The following BCL2L2 variants were observed in gnomAD, a reference collection of about 807,000 sequenced individuals.
BCL2L2 encodes the protein BCL2 like 2.
Under a neutral mutation model 14.6 loss-of-function variants are expected in BCL2L2, and 6 were observed. That is an observed-to-expected ratio of 0.41 (90% CI 0.22 to 0.81). BCL2L2 has a LOEUF of 0.81. Ranked by LOEUF, BCL2L2 falls within the 30% of genes least tolerant of loss-of-function variation. The pLI, the probability that BCL2L2 is intolerant of heterozygous loss-of-function variation, is 0.32. For synonymous variants in BCL2L2, 90 were observed against 108.5 expected, an observed-to-expected ratio of 0.83 and a Z score of 1.06; for missense variants, 191 against 260.5, an observed-to-expected ratio of 0.73 and a Z score of 1.84.
rs183322615 is a variant in BCL2L2, at chr14:23,310,240, G to A, written c.*1275G>A. On this transcript the variant is annotated 3_prime_UTR_variant, in exon 4 of 4. Coordinates refer to ENST00000250405, the MANE Select transcript of BCL2L2 (RefSeq NM_004050.5). ...TCTGAGGATGTTAACTTTGGAACTCGCAGTCCTCTAGAACAGCTTCAGATT... is the reference window on the plus strand; with the variant it reads ...TCTGAGGATGTTAACTTTGGAACTCACAGTCCTCTAGAACAGCTTCAGATT... 89 of 985,874 alleles carry A rather than the reference G, an allele frequency of 9.0e-5. 1 individual carries two copies. The East Asian group carries it at 7.5e-3, about 83-fold the overall frequency. The allele number at this position is 985,874 out of a possible 1,614,324, so 61.1% of individuals were successfully genotyped here.
Position 23,311,737 on chromosome 14 carries a change from G to A in BCL2L2, c.*2772G>A. Reference sequence around the variant, plus strand: ...TATTAAAAACAATAAATAAAGCCCAGAAGTTTAATGAGAAGGACTGAACAG... The same window carrying A: ...TATTAAAAACAATAAATAAAGCCCAAAAGTTTAATGAGAAGGACTGAACAG... On this transcript the variant is annotated 3_prime_UTR_variant, in exon 4 of 4. Transcript: ENST00000250405. 1.0e-6 allele frequency: 1 copy of A among 972,734 alleles called. No individual in the cohort carries two copies. Among genetic ancestry groups the A allele is most frequent in the Non-Finnish European group, 1.2e-6 (1 of 818,410 alleles). The allele number at this position is 972,734 out of a possible 1,614,324, so 60.3% of individuals were successfully genotyped here. A position where few individuals can be genotyped will look rare whatever the true frequency, so the allele number is the denominator to read the frequency against.
In BCL2L2 at chr14:23,309,002, G is replaced by T. The variant is rs1887438010; in HGVS notation, c.*37G>T. On this transcript the variant is annotated 3_prime_UTR_variant, in exon 4 of 4. Coordinates refer to ENST00000250405, the MANE Select transcript of BCL2L2 (RefSeq NM_004050.5). The stretch of plus-strand genomic sequence containing the variant: ...CAGGTGGGGCTAGGTGTGGCTGGGG[G>T]CCAGGAGAGCAGGAACAGAACAGAG... 1 of 1,319,900 alleles carries T rather than the reference G, an allele frequency of 7.6e-7. No homozygotes were observed. Among genetic ancestry groups the T allele is most frequent in the Non-Finnish European group, 9.7e-7 (1 of 1,026,016 alleles). 81.8% of individuals were successfully genotyped at this position (1,319,900 alleles called of 1,614,324 possible). A position where few individuals can be genotyped will look rare whatever the true frequency, so the allele number is the denominator to read the frequency against.
chr14:23,310,520 G>C lies in BCL2L2; in HGVS notation c.*1555G>C. On this transcript the variant is annotated 3_prime_UTR_variant, in exon 4 of 4. Coordinates refer to ENST00000250405, the MANE Select transcript of BCL2L2 (RefSeq NM_004050.5). ...GCTCGCCAGAACGTGGGACCAAATTGGCCTCAGGTGTTGAGTCCAGACTTC... is the reference window on the plus strand; with the variant it reads ...GCTCGCCAGAACGTGGGACCAAATTCGCCTCAGGTGTTGAGTCCAGACTTC... The C allele has an allele frequency of 1.9e-6, 2 of 1,039,842 alleles. No individual in the cohort carries two copies. Among genetic ancestry groups the C allele is most frequent in the Non-Finnish European group, 2.3e-6 (2 of 863,270 alleles). 64.4% of individuals were successfully genotyped at this position (1,039,842 alleles called of 1,614,324 possible).
At position 23,310,709 on chromosome 14, in the gene BCL2L2, G is replaced by A. The variant is rs542856490; in HGVS notation, c.*1744G>A. The A allele has an allele frequency of 6.7e-5, 79 of 1,183,212 alleles. No homozygotes were observed. The highest frequency in any genetic ancestry group is 6.1e-5 in the Non-Finnish European group (57 of 940,674). 73.3% of individuals were successfully genotyped at this position (1,183,212 alleles called of 1,614,324 possible). On this transcript the variant is annotated 3_prime_UTR_variant, in exon 4 of 4. Coordinates refer to ENST00000250405, the MANE Select transcript of BCL2L2 (RefSeq NM_004050.5). Reference sequence around the variant, plus strand: ...TCTCTGACTTGCTCAGGACAAACTAGGCCAGTGGTTTTCAAACTGCTTGGC... The same window carrying A: ...TCTCTGACTTGCTCAGGACAAACTAAGCCAGTGGTTTTCAAACTGCTTGGC...
chr14:23,307,733 C>T, intron 2 of BCL2L2, 27 bp from the exon 3 acceptor site: 1 of 1,516,432 alleles, frequency 6.6e-7, no homozygotes. Context: ...TATATTCATG[C>T]CAGTCTTTCA....
At position 23,307,784 on chromosome 14, in the gene BCL2L2, C is replaced by T. The variant is rs1414276111; in HGVS notation, c.17C>T (p.Ser6Leu). Residue 6 changes from serine (S) to leucine (L), a missense_variant, in exon 3 of 4, where the codon TCG becomes TTG. By Grantham distance (145) the Ser-to-Leu change is moderately radical. Coordinates refer to ENST00000250405, the MANE Select transcript of BCL2L2 (RefSeq NM_004050.5). MATPA[S>L]APDTRALVAD... Reference sequence around the variant, plus strand: ...GCCGCCCGGATGGCGACCCCAGCCTCGGCCCCAGACACACGGGCTCTGGTG... The same window carrying T: ...GCCGCCCGGATGGCGACCCCAGCCTTGGCCCCAGACACACGGGCTCTGGTG... The T allele has an allele frequency of 9.2e-6, 14 of 1,526,236 alleles. No individual in the cohort carries two copies. The highest frequency in any genetic ancestry group is 6.8e-5 in the East Asian group (3 of 44,092). 94.5% of individuals were successfully genotyped at this position (1,526,236 alleles called of 1,614,324 possible). A position where few individuals can be genotyped will look rare whatever the true frequency, so the allele number is the denominator to read the frequency against.
rs368889929 is a variant in BCL2L2 at position 23,308,836 on chromosome 14, C to T, written c.453C>T (p.Tyr151=). The change falls in exon 4 of 4, where the codon TAC becomes TAT. Residue 151 remains tyrosine (Y), a synonymous_variant. Transcript: ENST00000250405. This position sits in a 1 kb window ranked among gnomAD's most constrained non-coding sequence, Gnocchi z 5.4. ...SGGWAEFTAL[Y]GDGALEEARR... is the part of the protein sequence containing the mutation. ...CACAGGCGGAGTTCACAGCTCTATA[C>T]GGGGACGGGGCCCTGGAGGAGGCGC... 3.3e-5 allele frequency: 44 copies of T among 1,321,622 alleles called. No individual in the cohort carries two copies. The highest frequency in any genetic ancestry group is 4.5e-5 in the African/African-American group (3 of 66,422). The allele number at this position is 1,321,622 out of a possible 1,614,324, so 81.9% of individuals were successfully genotyped here. A position where few individuals can be genotyped will look rare whatever the true frequency, so the allele number is the denominator to read the frequency against.
chr14:23,308,051 G>A lies in BCL2L2; in HGVS notation c.284G>A (p.Arg95His). 6.2e-7 allele frequency: 1 copy of A among 1,614,108 alleles called. No homozygotes were observed. Among genetic ancestry groups the A allele is most frequent in the Non-Finnish European group, 8.5e-7 (1 of 1,180,036 alleles). ...TTTCAAGGGGGCCCCAACTGGGGCCGCCTTGTAGCCTTCTTTGTCTTTGGG... is the reference window on the plus strand; with the variant it reads ...TTTCAAGGGGGCCCCAACTGGGGCCACCTTGTAGCCTTCTTTGTCTTTGGG... ...ELFQGGPNWG[R>H]LVAFFVFGAA... Residue 95 changes from arginine to histidine, a missense_variant, in exon 3 of 4, where the codon CGC becomes CAC. Transcript: ENST00000250405. The surrounding 1 kb of genome is among the most constrained non-coding windows in gnomAD (Gnocchi z 5.4).
intron 2 of BCL2L2, 35 bp from the exon 3 acceptor site, chr14:23,307,725 T>G: frequency 6.6e-7 from 1 of 1,514,088 alleles, no homozygotes; most frequent in Non-Finnish European, 8.8e-7. Context: ...TCTCTTCATA[T>G]ATTCATGCCA....
chr14:23,311,604 A>G lies in BCL2L2; in HGVS notation c.*2639A>G, dbSNP rs543801039. On this transcript the variant is annotated 3_prime_UTR_variant, in exon 4 of 4. Transcript: ENST00000250405. ...GCAGAACAGATTTGGTTAGTTTAGA[A>G]GAAAAGAAAGCTCTATAAATATAAA... The G allele has an allele frequency of 3.1e-6, 3 of 971,882 alleles. No individual in the cohort carries two copies. In the Admixed American group the frequency reaches 1.8e-4, roughly 60 times the overall value. The allele number at this position is 971,882 out of a possible 1,614,324, so 60.2% of individuals were successfully genotyped here. A position where few individuals can be genotyped will look rare whatever the true frequency, so the allele number is the denominator to read the frequency against.
chr14:23,308,990 G>A lies in BCL2L2; in HGVS notation c.*25G>A. The A allele has an allele frequency of 7.6e-7, 1 of 1,320,804 alleles. No homozygotes were observed. The highest frequency in any genetic ancestry group is 9.7e-7 in the Non-Finnish European group (1 of 1,026,458). 81.8% of individuals were successfully genotyped at this position (1,320,804 alleles called of 1,614,324 possible). ...AAAGTCCAGGGCCAGGTGGGGCTAGGTGTGGCTGGGGGCCAGGAGAGCAGG... is the reference window on the plus strand; with the variant it reads ...AAAGTCCAGGGCCAGGTGGGGCTAGATGTGGCTGGGGGCCAGGAGAGCAGG... On this transcript the variant is annotated 3_prime_UTR_variant, in exon 4 of 4. Coordinates refer to ENST00000250405, the MANE Select transcript of BCL2L2 (RefSeq NM_004050.5). This position sits in a 1 kb window ranked among gnomAD's most constrained non-coding sequence, Gnocchi z 5.4.
intron 2 of BCL2L2, 49 bp from the exon 3 acceptor site, chr14:23,307,711 A>AT: frequency 6.6e-7 from 1 of 1,507,044 alleles, no homozygotes; most frequent in South Asian, 1.4e-5. Flanking sequence ...GCTCCTTCTG[A>AT]TTCTCTCTTC....
Position 23,311,288 on chromosome 14 carries a change from A to G in BCL2L2, c.*2323A>G, listed in dbSNP as rs555742144. The G allele has an allele frequency of 1.5e-4, 174 of 1,153,426 alleles. No homozygotes were observed. The highest frequency in any genetic ancestry group is 7.9e-4 in the Middle Eastern group (2 of 2,538). The allele number at this position is 1,153,426 out of a possible 1,614,324, so 71.4% of individuals were successfully genotyped here. On this transcript the variant is annotated 3_prime_UTR_variant, in exon 4 of 4. Transcript: ENST00000250405. ...ACTAGGGACTCTCTTCTAGAGCCAT[A>G]TAGTTCCTTGGGATTAGCTCTTGGC...
rs773587577 is a variant in BCL2L2, at chr14:23,308,906, A to G, written c.523A>G (p.Thr175Ala). ...GNWASVRTVL[T>A]GAVALGALVT... ...CTGGGCATCAGTGAGGACAGTGCTGACGGGGGCCGTGGCACTGGGGGCCCT... is the reference window on the plus strand; with the variant it reads ...CTGGGCATCAGTGAGGACAGTGCTGGCGGGGGCCGTGGCACTGGGGGCCCT... Residue 175 changes from threonine (T) to alanine (A), a missense_variant, in exon 4 of 4, where the codon ACG becomes GCG. By Grantham distance (58) the Thr-to-Ala change is moderately conservative. Transcript: ENST00000250405. The surrounding 1 kb of genome is among the most constrained non-coding windows in gnomAD (Gnocchi z 5.4). 4 of 1,322,542 alleles carry G rather than the reference A, an allele frequency of 3.0e-6. No individual in the cohort carries two copies. In the African/African-American group the frequency reaches 4.5e-5, roughly 15 times the overall value. The allele number at this position is 1,322,542 out of a possible 1,614,324, so 81.9% of individuals were successfully genotyped here. A position where few individuals can be genotyped will look rare whatever the true frequency, so the allele number is the denominator to read the frequency against.
At position 23,309,239 on chromosome 14, in the gene BCL2L2, A is replaced by G; in HGVS notation, c.*274A>G. 1 of 1,190,348 alleles carries G rather than the reference A, an allele frequency of 8.4e-7. No individual in the cohort carries two copies. The allele number at this position is 1,190,348 out of a possible 1,614,324, so 73.7% of individuals were successfully genotyped here. A position where few individuals can be genotyped will look rare whatever the true frequency, so the allele number is the denominator to read the frequency against. The stretch of plus-strand genomic sequence containing the variant: ...GGGAGGTGGGAGGGATCACGCCTAT[A>G]GGTGTGGGCACATGAAACGACCTGG... On this transcript the variant is annotated 3_prime_UTR_variant, in exon 4 of 4. Transcript: ENST00000250405.
At position 23,311,046 on chromosome 14, in the gene BCL2L2, G is replaced by T; in HGVS notation, c.*2081G>T. The stretch of plus-strand genomic sequence containing the variant: ...CTGTTAGCATTCCCCGGGACCTTTA[G>T]CCAAGAGGAGCTGCAGGGACCATGG... On this transcript the variant is annotated 3_prime_UTR_variant, in exon 4 of 4. Transcript: ENST00000250405. 7.8e-7 allele frequency: 1 copy of T among 1,289,434 alleles called. No individual in the cohort carries two copies. Among genetic ancestry groups the T allele is most frequent in the Non-Finnish European group, 1.0e-6 (1 of 988,690 alleles). 79.9% of individuals were successfully genotyped at this position (1,289,434 alleles called of 1,614,324 possible). A position where few individuals can be genotyped will look rare whatever the true frequency, so the allele number is the denominator to read the frequency against.
In BCL2L2 at chr14:23,309,411, A is replaced by G; in HGVS notation, c.*446A>G. ...GTGATAGGGAGAGGTGGCTGTTAAC[A>G]GTGGGCTGCTTGGACACGCGTGTGC... On this transcript the variant is annotated 3_prime_UTR_variant, in exon 4 of 4. Coordinates refer to ENST00000250405, the MANE Select transcript of BCL2L2 (RefSeq NM_004050.5). 2 of 993,136 alleles carry G rather than the reference A, an allele frequency of 2.0e-6. No homozygotes were observed. The highest frequency in any genetic ancestry group is 2.4e-6 in the Non-Finnish European group (2 of 835,212). The allele number at this position is 993,136 out of a possible 1,614,324, so 61.5% of individuals were successfully genotyped here. A position where few individuals can be genotyped will look rare whatever the true frequency, so the allele number is the denominator to read the frequency against.
rs1003454773 is a variant in BCL2L2 at position 23,310,762 on chromosome 14, C to T, written c.*1797C>T. 1.3e-5 allele frequency: 15 copies of T among 1,196,268 alleles called. No individual in the cohort carries two copies. In the African/African-American group the frequency reaches 1.9e-4, roughly 15 times the overall value. 74.1% of individuals were successfully genotyped at this position (1,196,268 alleles called of 1,614,324 possible). On this transcript the variant is annotated 3_prime_UTR_variant, in exon 4 of 4. Transcript: ENST00000250405. ...AGCCCTGAAGTTTCCTAGGGGTTGC[C>T]TCAGGAGTCCTTGGGGAGATGAAGG...
rs975548374 is a variant in BCL2L2 at position 23,311,239 on chromosome 14, C to T, written c.*2274C>T. 2 of 1,226,016 alleles carry T rather than the reference C, an allele frequency of 1.6e-6. No individual in the cohort carries two copies. Among genetic ancestry groups the T allele is most frequent in the East Asian group, 5.9e-5 (1 of 16,984 alleles). 75.9% of individuals were successfully genotyped at this position (1,226,016 alleles called of 1,614,324 possible). Reference sequence around the variant, plus strand: ...GCCCTTCTTAGCTTGAAGGGAAACCCCAGAGACTCTTCTGTCAGGGAAAAC... The same window carrying T: ...GCCCTTCTTAGCTTGAAGGGAAACCTCAGAGACTCTTCTGTCAGGGAAAAC... On this transcript the variant is annotated 3_prime_UTR_variant, in exon 4 of 4. Transcript: ENST00000250405.
Sources: allele counts gnomAD v4.1 joint callset, GRCh38; gene constraint gnomAD v4.1.1; non-coding constraint Gnocchi (gnomAD v3.1); transcripts MANE v1.5; gene names NCBI Gene and HGNC (gene_info 2026-07-23, HGNC 2026-07-21).